SNCAIP: variants seen among roughly 807,000 people sequenced by gnomAD.
The protein encoded by SNCAIP is synphilin-1.
In SNCAIP, 43 loss-of-function variants were observed where a neutral mutation model predicts 86.7. The ratio of observed to expected loss-of-function variants is 0.50; its 90% CI spans 0.39 to 0.64. SNCAIP has a LOEUF of 0.64. Among genes scored for constraint, SNCAIP ranks in the 30% least tolerant of loss-of-function variants. SNCAIP has a pLI of 0.00. For synonymous variants in SNCAIP, 417 were observed against 427.2 expected, an observed-to-expected ratio of 0.98 and a Z score of 0.29; for missense variants, 981 against 1,103.1, an observed-to-expected ratio of 0.89 and a Z score of 1.57.
chr5:122,436,443 TAGTAATGTATAGG>T (rs1209773663), intron 6 of SNCAIP: 3 of 152,190 alleles, frequency 2.0e-5, no homozygotes, highest in Non-Finnish European at 4.4e-5. Flanking sequence ...ATTTTACCAT[TAGTAATGTATAGG>T]AGAAACTTGC....
chr5:122,339,621 G>C (rs766172121), intron 1 of SNCAIP, among the ~76,000 whole-genome samples: 7 of 152,016 alleles, frequency 4.6e-5, no homozygotes, highest in African/African-American at 7.3e-5. Flanking sequence ...GGAGATTTCC[G>C]GTCTTGATTC....
chr5:122,423,401 TCA>T lies in SNCAIP; in HGVS notation c.665_666del (p.Ser222CysfsTer12). ...PVKSPHLRKA[S>X]AVIHDQHKLS... is the part of the protein sequence containing the mutation. ...GAAAAGCCCTCACTTGAGAAAAGCATCAGCTGTCATCCACGACCAGCACAAGC... is the reference window on the plus strand; with the variant it reads ...GAAAAGCCCTCACTTGAGAAAAGCATGCTGTCATCCACGACCAGCACAAGC... On this transcript the variant is annotated frameshift_variant, in exon 4 of 11. Coordinates refer to ENST00000261368, the MANE Select transcript of SNCAIP (RefSeq NM_005460.4). LOFTEE classifies it high-confidence loss of function. 1 of 1,613,714 alleles carries T rather than the reference TCA, an allele frequency of 6.2e-7. No homozygotes were observed. Among genetic ancestry groups the T allele is most frequent in the Non-Finnish European group, 8.5e-7 (1 of 1,179,740 alleles).
At chr5:122,380,157 A>G (rs934873882) in intron 1 of SNCAIP, among the ~76,000 whole-genome samples, 1 of 152,152 alleles carries the variant, frequency 6.6e-6, no homozygotes, top group African/African-American at 2.4e-5. Context: ...TCGGCTGTGA[A>G]TCCATCTGGT....
At chr5:122,405,547 A>T (rs1285677849) in intron 3 of SNCAIP, among the ~76,000 whole-genome samples, 1 of 152,180 alleles carries the variant, frequency 6.6e-6, no homozygotes, top group Non-Finnish European at 1.5e-5. Flanking sequence ...TATCTTACCC[A>T]GAGTCACACA....
chr5:122,361,176 GAAA>G (rs749754936), intron 1 of SNCAIP, among the ~76,000 whole-genome samples: 2 of 87,620 alleles, frequency 2.3e-5, no homozygotes, highest in Admixed American at 1.2e-4. Context: ...AGTCATTTTT[GAAA>G]AAAAAAAAAA....
rs546573306 is a variant in SNCAIP at position 122,384,746 on chromosome 5, T to A, written c.-46-6343T>A. On this transcript the variant is annotated intron_variant, in intron 1 of 10. Coordinates refer to ENST00000261368, the MANE Select transcript of SNCAIP (RefSeq NM_005460.4). The stretch of plus-strand genomic sequence containing the variant: ...GCAGGCTCAATATATTACACTGAAG[T>A]CCCTTGTTTGATATCAAACATTCAC... Among the ~76,000 whole-genome samples, 7 of 152,252 alleles carry A rather than the reference T, an allele frequency of 4.6e-5. No individual in the cohort carries two copies. The South Asian group carries it at 1.5e-3, about 32-fold the overall frequency.
At chr5:122,388,506 C>T (rs180894835) in intron 1 of SNCAIP, 1 of 152,370 alleles carries the variant, frequency 6.6e-6, no homozygotes, top group African/African-American at 2.4e-5. Context: ...CATGTTTGAT[C>T]ATTTGCAGCA....
chr5:122,420,575 G>GTATATA (rs5870999), intron 3 of SNCAIP, among the ~76,000 whole-genome samples: 34 of 147,288 alleles, frequency 2.3e-4, no homozygotes, highest in Middle Eastern at 3.5e-3. Context: ...ATGTCTATGA[G>GTATATA]TATATATATA....
Position 122,423,508 on chromosome 5 carries a change from C to T in SNCAIP, c.771C>T (p.Asp257=), listed in dbSNP as rs1476302824. ...ATGAGCCTGAAAACCAGAGTAAAGA[C>T]TTCCTAAACAAGACATTTAGTGATC... ...SAYEPENQSK[D]FLNKTFSDPH... The change falls in exon 4 of 11, where the codon GAC becomes GAT. Residue 257 remains aspartate, a synonymous_variant. Transcript: ENST00000261368. The T allele has an allele frequency of 6.2e-7, 1 of 1,614,166 alleles. No homozygotes were observed. The highest frequency in any genetic ancestry group is 1.1e-5 in the South Asian group (1 of 91,076).
intron 1 of SNCAIP, among the ~76,000 whole-genome samples, chr5:122,315,484 G>A (rs2152645830): frequency 6.6e-6 from 1 of 152,272 alleles, no homozygotes; most frequent in Admixed American, 6.5e-5. Context: ...CAGATTCAAG[G>A]GGTATAGAAA....
chr5:122,356,769 C>A (rs1053086985), intron 1 of SNCAIP, among the ~76,000 whole-genome samples: 2 of 152,214 alleles, frequency 1.3e-5, no homozygotes, highest in African/African-American at 4.8e-5. Context: ...TCACCAAAGC[C>A]TGTTGGCTCT....
chr5:122,350,506 G>A (rs1226976624), intron 1 of SNCAIP, among the ~76,000 whole-genome samples: 1 of 150,972 alleles, frequency 6.6e-6, no homozygotes, highest in African/African-American at 2.4e-5. Context: ...AAGGAGTAAG[G>A]ATTTTTTGTT....
At chr5:122,357,712 G>T (rs1057202622) in intron 1 of SNCAIP, among the ~76,000 whole-genome samples, 1 of 149,588 alleles carries the variant, frequency 6.7e-6, no homozygotes, top group Non-Finnish European at 1.5e-5. Context: ...CAATGGAACT[G>T]TGCTGTTCTG....
chr5:122,408,789 C>T (rs995809698), intron 3 of SNCAIP, among the ~76,000 whole-genome samples: 1 of 152,180 alleles, frequency 6.6e-6, no homozygotes, highest in Admixed American at 6.5e-5. Context: ...TGAGTTGTTT[C>T]ATAAGCCAGC....
intron 2 of SNCAIP, among the ~76,000 whole-genome samples, chr5:122,393,272 AAAT>A (rs1389527464): frequency 1.3e-5 from 2 of 152,190 alleles, no homozygotes; most frequent in East Asian, 3.8e-4. Context: ...GTAATTGATG[AAAT>A]AATAATAATA....
chr5:122,424,162 A>G (rs539654768), intron 4 of SNCAIP, among the ~76,000 whole-genome samples: 46 of 152,316 alleles, frequency 3.0e-4, no homozygotes, highest in African/African-American at 1.0e-3. Context: ...TGTCCTGATC[A>G]TTATTCAGAA....
intron 1 of SNCAIP, among the ~76,000 whole-genome samples, chr5:122,375,361 G>GA (rs1765073763): frequency 6.6e-6 from 1 of 151,880 alleles, no homozygotes; most frequent in Non-Finnish European, 1.5e-5. Context: ...TTCTCAGTTA[G>GA]CTGGGTTAGC....
chr5:122,403,661 A>C, intron 2 of SNCAIP, 132 bp from the exon 3 acceptor site: 1 of 808,420 alleles, frequency 1.2e-6, no homozygotes, highest in Non-Finnish European at 2.2e-6. Context: ...TTAGGGTAAA[A>C]TGAGATAAAT....
In SNCAIP at chr5:122,366,096, G is replaced by C. The variant is rs575255547; in HGVS notation, c.-46-24993G>C. On this transcript the variant is annotated intron_variant, in intron 1 of 10. Coordinates refer to ENST00000261368, the MANE Select transcript of SNCAIP (RefSeq NM_005460.4). ...AACCATTCTAAATATTTTATACAGA[G>C]GAAAATTATAATAGAGAATTCGTTA... 2.0e-5 allele frequency among the ~76,000 whole-genome samples: 3 copies of C among 152,234 alleles called. No homozygotes were observed. In the East Asian group the frequency reaches 5.8e-4, roughly 29 times the overall value.
Sources: gnomAD v4.1 joint callset for allele counts (sites outside exome capture counted in the v4.1 genomes callset) on GRCh38, gnomAD v4.1.1 for gene constraint, MANE v1.5 for transcripts, NCBI Gene and HGNC (gene_info 2026-07-23, HGNC 2026-07-21) for gene names.